ARSJ: variants seen among roughly 807,000 people sequenced by gnomAD.
ARSJ encodes the protein arylsulfatase family member J.
Under a neutral mutation model 35.9 loss-of-function variants are expected in ARSJ, and 26 were observed. The observed-to-expected ratio is 0.72, with a 90% CI of 0.53 to 1.00. The LOEUF (loss-of-function observed/expected upper bound fraction) is 1.00. Ranked by LOEUF, ARSJ falls within the 50% of genes least tolerant of loss-of-function variation. The pLI, the probability that ARSJ is intolerant of heterozygous loss-of-function variation, is 0.00. For synonymous variants in ARSJ, 294 were observed against 267.6 expected (o/e 1.10, Z -0.96); for missense variants, 667 against 723.6 (o/e 0.92, Z 0.90).
At position 113,978,607 on chromosome 4, in the gene ARSJ, G is replaced by C; in HGVS notation, c.228C>G (p.Pro76=). ...CATCCGCTAGGATGAAAATGAGATGGGGCTGGGAGGTGGAAGTTGTGCTGG... is the reference window on the plus strand; with the variant it reads ...CATCCGCTAGGATGAAAATGAGATGCGGCTGGGAGGTGGAAGTTGTGCTGG... The part of the protein sequence containing the change: ...LEPSTTSTSQ[P]HLIFILADDQ... The change falls in exon 1 of 2, where the codon CCC becomes CCG. Residue 76 remains proline, a synonymous_variant. Coordinates refer to ENST00000315366, the MANE Select transcript of ARSJ (RefSeq NM_024590.4). The C allele has an allele frequency of 6.2e-7, 1 of 1,614,118 alleles. No homozygotes were observed. Among genetic ancestry groups the C allele is most frequent in the Non-Finnish European group, 8.5e-7 (1 of 1,180,028 alleles).
chr4:113,931,424 T>C (rs1724441988), intron 1 of ARSJ, among the ~76,000 whole-genome samples: 1 of 152,032 alleles, frequency 6.6e-6, no homozygotes, highest in South Asian at 2.1e-4. Context: ...AGGAGGTTAT[T>C]TGAGCTATGA....
chr4:113,904,274 C>A (rs2099668050), intron 1 of ARSJ, among the ~76,000 whole-genome samples: 1 of 152,102 alleles, frequency 6.6e-6, no homozygotes, highest in Non-Finnish European at 1.5e-5. Flanking sequence ...TTTGAATACA[C>A]TTTAATCTCT....
At chr4:113,956,729 G>C (rs1475819396) in intron 1 of ARSJ, among the ~76,000 whole-genome samples, 2 of 152,034 alleles carry the variant, frequency 1.3e-5, no homozygotes, top group East Asian at 3.9e-4. Context: ...AAAAGTATGA[G>C]AAAGAGATTA....
chr4:113,979,153 A>C lies in ARSJ; in HGVS notation c.-319T>G. On this transcript the variant is annotated 5_prime_UTR_variant, in exon 1 of 2. Coordinates refer to ENST00000315366, the MANE Select transcript of ARSJ (RefSeq NM_024590.4). ...ATCTCCACCCAAAAGTTCTCTGGAG[A>C]AAAAAACCAAGCAAGGAATTGAGAA... The C allele has an allele frequency of 4.4e-6, 1 of 226,522 alleles. No individual in the cohort carries two copies. The highest frequency in any genetic ancestry group is 8.7e-6 in the Non-Finnish European group (1 of 114,964). The allele number at this position is 226,522 out of a possible 1,614,324, so 14.0% of individuals were successfully genotyped here.
chr4:113,974,801 G>C (rs917424571), intron 1 of ARSJ, among the ~76,000 whole-genome samples: 1 of 152,020 alleles, frequency 6.6e-6, no homozygotes, highest in Non-Finnish European at 1.5e-5. Context: ...CTTTAACCCA[G>C]GATTTCCACT....
chr4:113,938,310 G>A (rs1724901529), intron 1 of ARSJ, among the ~76,000 whole-genome samples: 1 of 152,048 alleles, frequency 6.6e-6, no homozygotes, highest in Admixed American at 6.6e-5. Context: ...TGTAATAAAT[G>A]GTGCTGGGAG....
Position 113,902,955 on chromosome 4 carries a change from T to C in ARSJ, c.1119A>G (p.Glu373=), listed in dbSNP as rs754346151. Residue 373 remains glutamate, a synonymous_variant, in exon 2 of 2, where the codon GAA becomes GAG. Transcript: ENST00000315366. ...GGTACCAGTCAGTGATGTGCACAAG[T>C]TCCTTACACACTGTTCCCTTGTTTT... ...LLKNKGTVCK[E]LVHITDWYPT... 8 of 1,613,978 alleles carry C rather than the reference T, an allele frequency of 5.0e-6. No individual in the cohort carries two copies. The East Asian group carries it at 1.1e-4, about 22-fold the overall frequency.
At chr4:113,926,326 G>A (rs1724061755) in intron 1 of ARSJ, among the ~76,000 whole-genome samples, 1 of 152,084 alleles carries the variant, frequency 6.6e-6, no homozygotes, top group African/African-American at 2.4e-5. Context: ...CTCCTTCCAT[G>A]CAAAATGCAC....
chr4:113,952,629 A>C (rs1725932141), intron 1 of ARSJ, among the ~76,000 whole-genome samples: 1 of 152,106 alleles, frequency 6.6e-6, no homozygotes, highest in African/African-American at 2.4e-5. Context: ...GAAAGCAGTC[A>C]CTAGAGGGAA....
At chr4:113,934,106 C>T (rs1045064951) in intron 1 of ARSJ, among the ~76,000 whole-genome samples, 1 of 151,690 alleles carries the variant, frequency 6.6e-6, no homozygotes, top group South Asian at 2.1e-4. Flanking sequence ...CAGTAAATAA[C>T]GGATGCTGGC....
intron 1 of ARSJ, among the ~76,000 whole-genome samples, chr4:113,927,645 A>G (rs999688183): frequency 8.5e-5 from 13 of 152,336 alleles, no homozygotes; most frequent in African/African-American, 3.1e-4. Context: ...CAGGAGATGT[A>G]TTAATTTTGT....
intron 1 of ARSJ, among the ~76,000 whole-genome samples, chr4:113,917,579 T>C (rs543283445): frequency 2.0e-5 from 3 of 152,086 alleles, no homozygotes; most frequent in South Asian, 2.1e-4. Flanking sequence ...CATCACAATA[T>C]AGTTAGAAGA....
intron 1 of ARSJ, among the ~76,000 whole-genome samples, chr4:113,904,361 A>C (rs2099668079): frequency 6.6e-6 from 1 of 152,224 alleles, no homozygotes; most frequent in Non-Finnish European, 1.5e-5. Flanking sequence ...TATTGCTTTT[A>C]ACCTAGGGGC....
At chr4:113,948,764 T>A (rs1725665395) in intron 1 of ARSJ, among the ~76,000 whole-genome samples, 1 of 152,130 alleles carries the variant, frequency 6.6e-6, no homozygotes, top group Non-Finnish European at 1.5e-5. Flanking sequence ...CACTGTGACA[T>A]GGAGGAGTTG....
intron 1 of ARSJ, among the ~76,000 whole-genome samples, chr4:113,955,776 T>A (rs1013540241): frequency 6.6e-6 from 1 of 152,100 alleles, no homozygotes; most frequent in Non-Finnish European, 1.5e-5. Context: ...TTTGACTCTA[T>A]AATGAAGTTT....
At chr4:113,939,687 C>T (rs1451259925) in intron 1 of ARSJ, among the ~76,000 whole-genome samples, 5 of 151,966 alleles carry the variant, frequency 3.3e-5, no homozygotes, top group South Asian at 2.1e-4. Context: ...TTTCATGTGT[C>T]TTTTGGCTGC....
intron 1 of ARSJ, among the ~76,000 whole-genome samples, chr4:113,927,950 C>T (rs1307927494): frequency 3.9e-5 from 6 of 152,148 alleles, no homozygotes; most frequent in Non-Finnish European, 7.4e-5. Context: ...ATAGCCCTTA[C>T]CCTACCAGTC....
chr4:113,913,894 C>T (rs1035079749), intron 1 of ARSJ, among the ~76,000 whole-genome samples: 3 of 152,034 alleles, frequency 2.0e-5, no homozygotes. Flanking sequence ...GGAAGATATC[C>T]TTAAGTAATA....
intron 1 of ARSJ, among the ~76,000 whole-genome samples, chr4:113,918,821 C>G (rs577221419): frequency 6.6e-6 from 1 of 152,120 alleles, no homozygotes; most frequent in Non-Finnish European, 1.5e-5. Context: ...GAGACAGGGT[C>G]TCATTCTGTC....
Sources: gnomAD v4.1 joint callset for allele counts (sites outside exome capture counted in the v4.1 genomes callset) on GRCh38, gnomAD v4.1.1 for gene constraint, MANE v1.5 for transcripts, NCBI Gene and HGNC (gene_info 2026-07-23, HGNC 2026-07-21) for gene names.